Variants in WWOX observed in about 807,000 individuals in gnomAD.
WWOX encodes WW domain-containing oxidoreductase.
Under a neutral mutation model 46.2 loss-of-function variants are expected in WWOX, and 69 were observed. That is an observed-to-expected ratio of 1.49 (90% CI 1.23 to 1.82). The LOEUF is 1.82. Ranked by LOEUF, WWOX falls within the 40% of genes most tolerant of loss-of-function variation. The pLI is 0.00. For missense variants in WWOX, 919 were observed against 542.6 expected (o/e 1.69, Z -6.89); for synonymous variants, 359 against 202.6 (o/e 1.77, Z -6.56).
At chr16:78,961,900 ACCTATTG>A (rs2046278164) in intron 8 of WWOX, among the ~76,000 whole-genome samples, 1 of 152,130 alleles carries the variant, frequency 6.6e-6, no homozygotes, top group African/African-American at 2.4e-5. Context: ...TGCATCCAAG[ACCTATTG>A]CCTTCAGATT....
intron 5 of WWOX, among the ~76,000 whole-genome samples, 159 bp from the exon 6 acceptor site, chr16:78,386,701 C>T (rs2082068527): frequency 7.4e-6 from 1 of 135,598 alleles, no homozygotes; most frequent in African/African-American, 2.8e-5. Context: ...GCAGTAAAAG[C>T]CCTGTTCTTC....
intron 8 of WWOX, among the ~76,000 whole-genome samples, chr16:79,180,272 C>G (rs954380086): frequency 1.3e-5 from 2 of 152,130 alleles, no homozygotes; most frequent in African/African-American, 4.8e-5. Context: ...TTGTTTATTA[C>G]AGATAATTTG....
intron 8 of WWOX, among the ~76,000 whole-genome samples, chr16:78,448,349 T>TAA: frequency 6.6e-6 from 1 of 152,286 alleles, no homozygotes; most frequent in Non-Finnish European, 1.5e-5. Context: ...ACCTCAATAT[T>TAA]TAGCAGGTTA....
intron 8 of WWOX, chr16:78,873,542 T>G (rs1178262375): frequency 2.0e-5 from 3 of 152,186 alleles, no homozygotes; most frequent in Admixed American, 2.0e-4. Flanking sequence ...ATCCCAGCAC[T>G]TTTGGAGGCT....
At chr16:78,773,419 C>G (rs1012645496) in intron 8 of WWOX, among the ~76,000 whole-genome samples, 5 of 152,160 alleles carry the variant, frequency 3.3e-5, no homozygotes, top group African/African-American at 1.2e-4. Flanking sequence ...GGCTGCAGAG[C>G]GCAGACATTT....
rs148954363 is a variant in WWOX at position 79,022,034 on chromosome 16, A to C, written c.1057-189574A>C. Among the ~76,000 whole-genome samples, 8 of 152,334 alleles carry C rather than the reference A, an allele frequency of 5.3e-5. No homozygotes were observed. In the East Asian group the frequency reaches 1.4e-3, roughly 26 times the overall value. On this transcript the variant is annotated intron_variant, in intron 8 of 8. Coordinates refer to ENST00000566780, the MANE Select transcript of WWOX (RefSeq NM_016373.4). ...TGATATTGACCAGCTTTGACACATG[A>C]ATAGGAGAGGGTTAGGCAAAGACAA...
intron 8 of WWOX, among the ~76,000 whole-genome samples, chr16:78,599,468 C>A (rs185094576): frequency 1.3e-4 from 20 of 152,342 alleles, no homozygotes; most frequent in Non-Finnish European, 2.8e-4. Flanking sequence ...TTCAATCAGG[C>A]AGCCCCTCTG....
At chr16:78,252,675 G>A (rs1433530373) in intron 5 of WWOX, among the ~76,000 whole-genome samples, 1 of 152,186 alleles carries the variant, frequency 6.6e-6, no homozygotes, top group African/African-American at 2.4e-5. Context: ...AGATTGCCAG[G>A]AGACGTAGAC....
At chr16:78,330,711 T>G (rs2080736094) in intron 5 of WWOX, among the ~76,000 whole-genome samples, 1 of 152,228 alleles carries the variant, frequency 6.6e-6, no homozygotes, top group Admixed American at 6.5e-5. Flanking sequence ...AACATTTCTA[T>G]GCAACTATAT....
At chr16:78,674,407 C>A (rs763754696) in intron 8 of WWOX, among the ~76,000 whole-genome samples, 4 of 151,892 alleles carry the variant, frequency 2.6e-5, no homozygotes. Context: ...GCCTCAGCCT[C>A]CTGAGTAGCT....
chr16:78,248,774 G>T (rs1193843684), intron 5 of WWOX, among the ~76,000 whole-genome samples: 1 of 151,678 alleles, frequency 6.6e-6, no homozygotes, highest in Non-Finnish European at 1.5e-5. Context: ...AATTTGGTGG[G>T]GACACAGATT....
In WWOX at chr16:78,609,507, A is replaced by G. The variant is rs535270045; in HGVS notation, c.1056+176755A>G. Among the ~76,000 whole-genome samples, 62 of 151,850 alleles carry G rather than the reference A, an allele frequency of 4.1e-4. 1 individual carries two copies. The highest frequency in any genetic ancestry group is 7.2e-4 in the Non-Finnish European group (49 of 67,908). On this transcript the variant is annotated intron_variant, in intron 8 of 8. Coordinates refer to ENST00000566780, the MANE Select transcript of WWOX (RefSeq NM_016373.4). The stretch of plus-strand genomic sequence containing the variant: ...AAAAAATGTTTTCTGGTCAAGTCAC[A>G]TGCCTCTGAGGTTTTTTTTTTTCTT...
At chr16:79,094,869 A>G (rs138247781) in intron 8 of WWOX, among the ~76,000 whole-genome samples, 94 of 152,228 alleles carry the variant, frequency 6.2e-4, no homozygotes, top group African/African-American at 2.1e-3. Flanking sequence ...CACTGTGTCT[A>G]CCCCAGAGTG....
intron 8 of WWOX, among the ~76,000 whole-genome samples, chr16:78,670,725 T>C (rs888381819): frequency 6.6e-6 from 1 of 152,122 alleles, no homozygotes; most frequent in Admixed American, 6.5e-5. Flanking sequence ...TTGCCCAGGC[T>C]AGTCTCAAAC....
chr16:78,857,121 G>T (rs931127118), intron 8 of WWOX, among the ~76,000 whole-genome samples: 1 of 152,238 alleles, frequency 6.6e-6, no homozygotes, highest in East Asian at 1.9e-4. Flanking sequence ...ATTATGCAGT[G>T]TGTGATAGTG....
chr16:79,142,256 C>T (rs1301086018), intron 8 of WWOX, among the ~76,000 whole-genome samples: 1 of 152,082 alleles, frequency 6.6e-6, no homozygotes, highest in Non-Finnish European at 1.5e-5. Context: ...GAAGATAATT[C>T]CTGGTAGTGA....
intron 8 of WWOX, among the ~76,000 whole-genome samples, chr16:78,588,264 C>G (rs2045266447): frequency 1.3e-5 from 2 of 152,178 alleles, no homozygotes; most frequent in African/African-American, 4.8e-5. Flanking sequence ...TTGCAGTTGG[C>G]AAACAGAAGG....
At chr16:78,981,957 A>C (rs1469784452) in intron 8 of WWOX, 2 of 151,874 alleles carry the variant, frequency 1.3e-5, no homozygotes, top group African/African-American at 4.8e-5. Flanking sequence ...TGCTGGAGAG[A>C]CCCTCCCAGA....
At chr16:78,869,635 C>T (rs974054028) in intron 8 of WWOX, among the ~76,000 whole-genome samples, 1 of 152,192 alleles carries the variant, frequency 6.6e-6, no homozygotes, top group Non-Finnish European at 1.5e-5. Flanking sequence ...TGATGGGTTA[C>T]TGATTCTGCG....
Sources: allele counts gnomAD v4.1 joint callset (sites outside exome capture counted in the v4.1 genomes callset), GRCh38; gene constraint gnomAD v4.1.1; transcripts MANE v1.5; gene names NCBI Gene and HGNC (gene_info 2026-07-23, HGNC 2026-07-21).